Variants in MMD2 observed in about 807,000 individuals in gnomAD.
MMD2 encodes the protein monocyte to macrophage differentiation associated 2.
In MMD2, 30 loss-of-function variants were observed where a neutral mutation model predicts 33.5. That is an observed-to-expected ratio of 0.90 (90% CI 0.67 to 1.22). The LOEUF (loss-of-function observed/expected upper bound fraction) is 1.22, where lower values mean the gene tolerates loss of function less well. Ranked by LOEUF, MMD2 falls within the 50% of genes most tolerant of loss-of-function variation. The pLI, the probability that MMD2 is intolerant of heterozygous loss-of-function variation, is 0.00. For missense variants in MMD2, 364 were observed against 325.4 expected (o/e 1.12, Z -0.91); for synonymous variants, 129 against 123.0 (o/e 1.05, Z -0.32).
At chr7:4,944,742 T>TTTCTTC (rs1197989061) in intron 1 of MMD2, among the ~76,000 whole-genome samples, 1 of 142,058 alleles carries the variant, frequency 7.0e-6, no homozygotes, top group Non-Finnish European at 1.5e-5. Flanking sequence ...CTTTTTTCTC[T>TTTCTTC]TTCTTCTTCT....
the MMD2 span, among the ~76,000 whole-genome samples, chr7:4,896,781 T>C: frequency 6.6e-6 from 1 of 152,238 alleles, no homozygotes; most frequent in Non-Finnish European, 1.5e-5. Context: ...ATTTTGTTTT[T>C]TTCTTTAGTG....
chr7:4,933,032 A>G (rs1785635218), intron 1 of MMD2, among the ~76,000 whole-genome samples: 1 of 151,926 alleles, frequency 6.6e-6, no homozygotes, highest in Non-Finnish European at 1.5e-5. Context: ...GTTGAAAGTG[A>G]AAAGAAACTG....
chr7:4,916,134 G>T (rs1036169478), intron 3 of MMD2, 55 bp from the exon 4 acceptor site: 13 of 1,554,722 alleles, frequency 8.4e-6, no homozygotes, highest in African/African-American at 1.4e-5. Context: ...GGAAGGGCCA[G>T]TGCCCCCAGA....
intron 3 of MMD2, among the ~76,000 whole-genome samples, chr7:4,918,287 G>A (rs544933028): frequency 1.3e-5 from 2 of 152,296 alleles, no homozygotes; most frequent in Non-Finnish European, 2.9e-5. Flanking sequence ...CTGTGGCTCT[G>A]TCTAGCAAAG....
chr7:4,932,501 C>A (rs189483709), intron 1 of MMD2, among the ~76,000 whole-genome samples: 9 of 152,094 alleles, frequency 5.9e-5, no homozygotes, highest in African/African-American at 2.2e-4. Context: ...GCCACCGCCA[C>A]CATCAAGGTG....
Position 4,949,146 on chromosome 7 carries a change from G to T in MMD2, c.47+9825C>A, listed in dbSNP as rs557689130. ...AATCACTTGAGCCTGGGAGGCAAAG[G>T]TTGCAGTGAGCCGAGATCACACAGC... On this transcript the variant is annotated intron_variant, in intron 1 of 6. Transcript: ENST00000401401. Among the ~76,000 whole-genome samples, 10 of 151,642 alleles carry T rather than the reference G, an allele frequency of 6.6e-5. 1 individual carries two copies. The South Asian group carries it at 1.7e-3, about 25-fold the overall frequency.
chr7:4,898,752 A>G, the MMD2 span, among the ~76,000 whole-genome samples: 12 of 152,154 alleles, frequency 7.9e-5, no homozygotes, highest in African/African-American at 2.9e-4. Context: ...TACAAAAATT[A>G]GCTGGGCTCC....
At chr7:4,897,003 G>T in the MMD2 span, among the ~76,000 whole-genome samples, 1 of 151,886 alleles carries the variant, frequency 6.6e-6, no homozygotes, top group Non-Finnish European at 1.5e-5. Flanking sequence ...GGGATTACAG[G>T]CACCCACAAC....
At chr7:4,901,785 G>T (rs1451109186), downstream of MMD2, among the ~76,000 whole-genome samples, 2 of 152,214 alleles carry the variant, frequency 1.3e-5, no homozygotes, top group Admixed American at 6.5e-5. Context: ...GGAAGTGGCG[G>T]AGCCGGGGGA....
intron 1 of MMD2, among the ~76,000 whole-genome samples, chr7:4,933,718 G>A (rs933361337): frequency 5.3e-5 from 8 of 151,400 alleles, no homozygotes; most frequent in East Asian, 1.9e-4. Context: ...CTGCAGCCTC[G>A]CATTCCGAGG....
chr7:4,920,436 C>A, intron 2 of MMD2, 105 bp from the exon 3 acceptor site: 1 of 1,162,182 alleles, frequency 8.6e-7, no homozygotes, highest in Non-Finnish European at 1.2e-6. Flanking sequence ...GCACTCGGCT[C>A]TTGAAATGTG....
chr7:4,916,709 C>T (rs547734575), intron 3 of MMD2, among the ~76,000 whole-genome samples: 1 of 152,032 alleles, frequency 6.6e-6, no homozygotes, highest in Non-Finnish European at 1.5e-5. Flanking sequence ...ATCAGAGCCA[C>T]TGTGCATTTC....
the MMD2 span, among the ~76,000 whole-genome samples, chr7:4,897,134 A>G: frequency 6.6e-6 from 1 of 151,788 alleles, no homozygotes; most frequent in African/African-American, 2.4e-5. Context: ...TGCTGGGATT[A>G]CAGGCATGAG....
the MMD2 span, among the ~76,000 whole-genome samples, chr7:4,897,972 A>G: frequency 6.6e-6 from 1 of 152,158 alleles, no homozygotes. Flanking sequence ...TCCTGGCCTC[A>G]AGTGATCCAC....
At chr7:4,943,422 C>A (rs1386225033) in intron 1 of MMD2, among the ~76,000 whole-genome samples, 11 of 152,082 alleles carry the variant, frequency 7.2e-5, no homozygotes, top group Non-Finnish European at 1.6e-4. Context: ...AGATTACAGG[C>A]GTGCGCCACC....
At chr7:4,909,160 G>A (rs767811813) in intron 6 of MMD2, among the ~76,000 whole-genome samples, 9 of 152,076 alleles carry the variant, frequency 5.9e-5, no homozygotes, top group Non-Finnish European at 1.2e-4. Context: ...CTGGCCCCCA[G>A]ATGTGAGTAC....
chr7:4,908,986 C>T (rs571217975), intron 6 of MMD2, among the ~76,000 whole-genome samples: 1 of 151,426 alleles, frequency 6.6e-6, no homozygotes, highest in South Asian at 2.1e-4. Flanking sequence ...GATGGACGCA[C>T]GACAATGTGA....
intron 1 of MMD2, among the ~76,000 whole-genome samples, chr7:4,941,884 CTGCA>C (rs1785922155): frequency 6.6e-6 from 1 of 150,548 alleles, no homozygotes; most frequent in South Asian, 2.2e-4. Flanking sequence ...ACAAAATAAT[CTGCA>C]TGCCAAAGGA....
At chr7:4,917,853 T>G (rs1423787849) in intron 3 of MMD2, among the ~76,000 whole-genome samples, 1 of 152,116 alleles carries the variant, frequency 6.6e-6, no homozygotes, top group East Asian at 1.9e-4. Context: ...CCCCTAGTAT[T>G]CACACACTGG....
Sources: gnomAD v4.1 joint callset for allele counts (sites outside exome capture counted in the v4.1 genomes callset) on GRCh38, gnomAD v4.1.1 for gene constraint, MANE v1.5 for transcripts, NCBI Gene and HGNC (gene_info 2026-07-23, HGNC 2026-07-21) for gene names.